Variants in ARHGAP18 observed in about 807,000 individuals in gnomAD.
ARHGAP18 encodes rho GTPase-activating protein 18.
ARHGAP18 carries 67 observed loss-of-function variants against 86.2 expected under a neutral mutation model. The observed-to-expected ratio is 0.78, with a 90% CI of 0.64 to 0.95. ARHGAP18 has a LOEUF of 0.95. Ranked by LOEUF, ARHGAP18 falls within the 40% of genes least tolerant of loss-of-function variation. The probability of loss-of-function intolerance (pLI) is 0.00; values close to 1 mark genes in which losing one functional copy is unlikely to be tolerated. For synonymous variants in ARHGAP18, 283 were observed against 280.4 expected (o/e 1.01, Z -0.09); for missense variants, 691 against 780.4 (o/e 0.89, Z 1.37).
At chr6:129,687,359 C>T (rs1449410347) in intron 1 of ARHGAP18, among the ~76,000 whole-genome samples, 1 of 152,186 alleles carries the variant, frequency 6.6e-6, no homozygotes, top group East Asian at 1.9e-4. Context: ...ACTGACACAG[C>T]ATATAGCTGA....
intron 8 of ARHGAP18, among the ~76,000 whole-genome samples, chr6:129,609,052 A>C (rs1456437282): frequency 6.9e-6 from 1 of 144,258 alleles, no homozygotes; most frequent in Non-Finnish European, 1.5e-5. Flanking sequence ...GGAGTGGGAG[A>C]TAGGGAGGGA....
At chr6:129,700,120 G>A (rs17057659) in intron 1 of ARHGAP18, among the ~76,000 whole-genome samples, 7,947 of 152,250 alleles carry the variant, frequency 0.052, 360 homozygotes, top group East Asian at 0.22. Context: ...TCTTGGTTAT[G>A]AGAACAGCCT....
At chr6:129,671,418 G>A (rs1471395860) in intron 1 of ARHGAP18, among the ~76,000 whole-genome samples, 1 of 152,184 alleles carries the variant, frequency 6.6e-6, no homozygotes, top group South Asian at 2.1e-4. Context: ...GTGAATTAGG[G>A]CCAGGCGCAG....
At chr6:129,611,734 T>C (rs1218283327) in intron 7 of ARHGAP18, 124 bp from the exon 8 acceptor site, 3 of 723,274 alleles carry the variant, frequency 4.1e-6, no homozygotes, top group Non-Finnish European at 6.8e-6. Flanking sequence ...TTTTATGAGG[T>C]TTTGAATGCT....
At chr6:129,632,196 G>A (rs1424698257) in intron 4 of ARHGAP18, among the ~76,000 whole-genome samples, 3 of 152,186 alleles carry the variant, frequency 2.0e-5, no homozygotes, top group African/African-American at 7.2e-5. Flanking sequence ...TAGTGAAAGA[G>A]CATGGCATTG....
chr6:129,709,927 A>C, intron 1 of ARHGAP18, 97 bp downstream of exon 1: 1 of 931,742 alleles, frequency 1.1e-6, no homozygotes, highest in South Asian at 1.5e-5. Context: ...CTCGACGTGC[A>C]GATGGAATTC....
intron 6 of ARHGAP18, among the ~76,000 whole-genome samples, chr6:129,618,432 T>C (rs1157724551): frequency 6.6e-6 from 1 of 152,180 alleles, no homozygotes; most frequent in Non-Finnish European, 1.5e-5. Context: ...GAGTTAAGAG[T>C]CCTTGCTTCA....
chr6:129,695,917 T>C (rs952699127), intron 1 of ARHGAP18, among the ~76,000 whole-genome samples: 5 of 152,166 alleles, frequency 3.3e-5, no homozygotes, highest in African/African-American at 1.2e-4. Flanking sequence ...ATCCTCTCCC[T>C]TTCTTTGAAG....
chr6:129,599,176 T>C, intron 12 of ARHGAP18, 40 bp downstream of exon 12: 1 of 1,113,190 alleles, frequency 9.0e-7, no homozygotes, highest in Non-Finnish European at 1.2e-6. Flanking sequence ...AAAAAAATAC[T>C]TAAGATCTGA....
At chr6:129,662,036 G>C (rs776823500) in intron 1 of ARHGAP18, 2 of 395,188 alleles carry the variant, frequency 5.1e-6, no homozygotes, top group South Asian at 1.1e-4. Flanking sequence ...CAAGATCCAC[G>C]CAAGCTGCAG....
rs1162329487 is a variant in ARHGAP18, at chr6:129,577,788, G to C, written c.*725C>G. 1.3e-5 allele frequency: 2 copies of C among 151,856 alleles called. No homozygotes were observed. Among genetic ancestry groups the C allele is most frequent in the Non-Finnish European group, 2.9e-5 (2 of 67,966 alleles). 9.4% of individuals were successfully genotyped at this position (151,856 alleles called of 1,614,324 possible). On this transcript the variant is annotated 3_prime_UTR_variant, in exon 15 of 15. Transcript: ENST00000368149. ...CATAATCCAATTATTATTTCACATG[G>C]GTATATTTTATTTATTCTTAGTATA...
chr6:129,654,772 C>G (rs749737175), intron 1 of ARHGAP18, among the ~76,000 whole-genome samples: 1 of 152,316 alleles, frequency 6.6e-6, no homozygotes, highest in Middle Eastern at 3.4e-3. Flanking sequence ...CCTGGATCCT[C>G]CTCTCTGCCC....
intron 3 of ARHGAP18, among the ~76,000 whole-genome samples, chr6:129,634,943 G>A (rs1049065221): frequency 1.3e-5 from 2 of 151,740 alleles, no homozygotes; most frequent in Admixed American, 1.3e-4. Context: ...TACCAAACCA[G>A]CAATAAGACC....
intron 1 of ARHGAP18, among the ~76,000 whole-genome samples, chr6:129,668,362 T>TCACACACACACACACACACA (rs35153109): frequency 1.0e-4 from 14 of 137,846 alleles, no homozygotes; most frequent in African/African-American, 3.0e-4. Context: ...ACCCAAATAA[T>TCACACACACACACACACACA]CACACACACA....
chr6:129,656,478 T>C (rs1773839329), intron 1 of ARHGAP18, among the ~76,000 whole-genome samples: 1 of 151,968 alleles, frequency 6.6e-6, no homozygotes. Flanking sequence ...CCGTCTCTAC[T>C]AAAAATACAA....
At chr6:129,610,602 T>A (rs1251344425) in intron 8 of ARHGAP18, among the ~76,000 whole-genome samples, 1 of 152,140 alleles carries the variant, frequency 6.6e-6, no homozygotes, top group African/African-American at 2.4e-5. Flanking sequence ...GTCCCCCATC[T>A]GCAGGAGTCT....
At chr6:129,635,257 A>G (rs892895837) in intron 3 of ARHGAP18, among the ~76,000 whole-genome samples, 3 of 152,228 alleles carry the variant, frequency 2.0e-5, no homozygotes, top group Non-Finnish European at 4.4e-5. Flanking sequence ...TTTCACCTCA[A>G]GCTGTTGTCC....
At chr6:129,654,811 A>T (rs1408144354) in intron 1 of ARHGAP18, among the ~76,000 whole-genome samples, 1 of 152,164 alleles carries the variant, frequency 6.6e-6, no homozygotes, top group Non-Finnish European at 1.5e-5. Context: ...ATCCAAGTTG[A>T]CTGATTTCTA....
chr6:129,621,420 T>G lies in ARHGAP18; in HGVS notation c.787-2568A>C, dbSNP rs945777159. Reference sequence around the variant, plus strand: ...TCAAATAAACAGCAATGGACATCACTGAAGATGGGGCCTAAGCAAATTTCC... The same window carrying G: ...TCAAATAAACAGCAATGGACATCACGGAAGATGGGGCCTAAGCAAATTTCC... On this transcript the variant is annotated intron_variant, in intron 5 of 14. Transcript: ENST00000368149. Among the ~76,000 whole-genome samples, 3 of 152,158 alleles carry G rather than the reference T, an allele frequency of 2.0e-5. No homozygotes were observed. The East Asian group carries it at 5.8e-4, about 29-fold the overall frequency.
Sources: allele counts gnomAD v4.1 joint callset (sites outside exome capture counted in the v4.1 genomes callset), GRCh38; gene constraint gnomAD v4.1.1; transcripts MANE v1.5; gene names NCBI Gene and HGNC (gene_info 2026-07-23, HGNC 2026-07-21).